Variants in ANXA7 observed in about 807,000 individuals in gnomAD.
ANXA7 encodes annexin A7, also known as annexin VII.
A neutral mutation model predicts 64.9 loss-of-function variants in ANXA7; 55 were observed. The ratio of observed to expected loss-of-function variants is 0.85; its 90% CI spans 0.68 to 1.06. The LOEUF (loss-of-function observed/expected upper bound fraction) is 1.06, where lower values mean the gene tolerates loss of function less well. Ranked by LOEUF, ANXA7 falls within the 50% of genes least tolerant of loss-of-function variation. The pLI, the probability that ANXA7 is intolerant of heterozygous loss-of-function variation, is 0.00. For synonymous variants in ANXA7, 200 were observed against 192.4 expected, an observed-to-expected ratio of 1.04 and a Z score of -0.33; for missense variants, 548 against 582.1, an observed-to-expected ratio of 0.94 and a Z score of 0.60.
intron 3 of ANXA7, 72 bp from the exon 4 acceptor site, chr10:73,397,346 C>T: frequency 1.2e-6 from 1 of 803,930 alleles, no homozygotes; most frequent in Non-Finnish European, 1.9e-6. Flanking sequence ...AGAAAAATAT[C>T]TATTGTTAAC....
At chr10:73,402,374 A>AT (rs1226565079) in intron 1 of ANXA7, among the ~76,000 whole-genome samples, 8 of 143,518 alleles carry the variant, frequency 5.6e-5, no homozygotes, top group East Asian at 2.1e-4. Context: ...GAATTTTTGT[A>AT]TTTTTTTTGT....
intron 7 of ANXA7, among the ~76,000 whole-genome samples, chr10:73,385,008 A>G (rs1347864961): frequency 6.6e-6 from 1 of 152,102 alleles, no homozygotes; most frequent in East Asian, 1.9e-4. Context: ...CAGGACTAAG[A>G]CTCAGAGATT....
intron 1 of ANXA7, among the ~76,000 whole-genome samples, chr10:73,413,007 G>A (rs1170827299): frequency 6.6e-6 from 1 of 152,078 alleles, no homozygotes; most frequent in African/African-American, 2.4e-5. Flanking sequence ...CAGGAAGGGT[G>A]ACTGAAGATA....
chr10:73,383,377 A>G, intron 8 of ANXA7, 32 bp from the exon 9 acceptor site: 3 of 1,567,172 alleles, frequency 1.9e-6, no homozygotes, highest in Non-Finnish European at 2.6e-6. Flanking sequence ...TTATACAAAG[A>G]AAAATGAAAT....
At chr10:73,399,144 A>G (rs751198228) in intron 2 of ANXA7, among the ~76,000 whole-genome samples, 8 of 152,192 alleles carry the variant, frequency 5.3e-5, no homozygotes, top group Admixed American at 3.3e-4. Context: ...CCAAAGTGCT[A>G]AAGGATGGTA....
In ANXA7 at chr10:73,397,183, T is replaced by C. The variant is rs2055589054; in HGVS notation, c.351A>G (p.Pro117=). Residue 117 remains proline, a synonymous_variant, in exon 4 of 13, where the codon CCA becomes CCG. Transcript: ENST00000372921. ...ACCTACCAGGTAGTGGAACCTGTGC[T>C]GGACCACCTCCATAAGACTGTGAAG... ...QPPSQSYGGG[P]AQVPLPGGFP... 1 of 1,608,344 alleles carries C rather than the reference T, an allele frequency of 6.2e-7. No homozygotes were observed. Among genetic ancestry groups the C allele is most frequent in the Non-Finnish European group, 8.5e-7 (1 of 1,176,810 alleles).
intron 5 of ANXA7, among the ~76,000 whole-genome samples, chr10:73,392,130 C>G (rs2055494932): frequency 6.6e-6 from 1 of 152,100 alleles, no homozygotes; most frequent in Admixed American, 6.5e-5. Flanking sequence ...GACACATACA[C>G]CCTCCCAAGA....
At chr10:73,398,832 A>T (rs1170011612) in intron 2 of ANXA7, among the ~76,000 whole-genome samples, 2 of 152,176 alleles carry the variant, frequency 1.3e-5, no homozygotes, top group African/African-American at 4.8e-5. Flanking sequence ...CCTGTATATC[A>T]CATCACACAC....
chr10:73,396,585 T>C lies in ANXA7; in HGVS notation c.371-2A>G. The stretch of plus-strand genomic sequence containing the variant: ...GCATCTGTCCTCCAGGAAAGCCACC[T>C]ATAATGTTAAAAAAAATAATAATAA... On this transcript the variant is annotated splice_acceptor_variant, in intron 4 of 12. Transcript: ENST00000372921. LOFTEE classifies it high-confidence loss of function. 6.3e-7 allele frequency: 1 copy of C among 1,598,152 alleles called. No homozygotes were observed. Among genetic ancestry groups the C allele is most frequent in the Non-Finnish European group, 8.6e-7 (1 of 1,169,048 alleles).
chr10:73,377,876 CCATGTTGCCCAGGCTACCACGCCCCGG>C, intron 12 of ANXA7, among the ~76,000 whole-genome samples: 1 of 146,570 alleles, frequency 6.8e-6, no homozygotes, highest in South Asian at 2.2e-4. Flanking sequence ...ATAGGTTTCA[CCATGTTGCCCAGGCTACCACGCCCCGG>C]CGTGTGTGTG....
chr10:73,413,778 C>G (rs764166372), intron 1 of ANXA7, among the ~76,000 whole-genome samples: 17 of 152,140 alleles, frequency 1.1e-4, no homozygotes, highest in Non-Finnish European at 2.1e-4. Context: ...GATTTCCAAA[C>G]GGACGGAAGG....
chr10:73,389,471 T>A (rs1345062983), intron 5 of ANXA7, among the ~76,000 whole-genome samples: 1 of 152,204 alleles, frequency 6.6e-6, no homozygotes, highest in Non-Finnish European at 1.5e-5. Flanking sequence ...ATTTTGATCA[T>A]TGCATTGTGT....
At chr10:73,400,774 G>A (rs762975093) in intron 2 of ANXA7, 29 bp downstream of exon 2, 1 of 1,574,190 alleles carries the variant, frequency 6.4e-7, no homozygotes, top group South Asian at 1.1e-5. Context: ...CTGTTTTAAG[G>A]ATGTGAGGTA....
intron 5 of ANXA7, among the ~76,000 whole-genome samples, chr10:73,391,210 C>T (rs945844620): frequency 6.6e-6 from 1 of 150,710 alleles, no homozygotes; most frequent in Admixed American, 6.6e-5. Flanking sequence ...GATCTGTGTT[C>T]TTGAGGTTAA....
At chr10:73,408,635 TA>T (rs985679197) in intron 1 of ANXA7, among the ~76,000 whole-genome samples, 1 of 152,130 alleles carries the variant, frequency 6.6e-6, no homozygotes, top group African/African-American at 2.4e-5. Flanking sequence ...TAATAAAAAT[TA>T]AAGCTATTTT....
Position 73,380,081 on chromosome 10 carries a change from C to T in ANXA7, c.1039G>A (p.Ala347Thr). 1 of 1,614,146 alleles carries T rather than the reference C, an allele frequency of 6.2e-7. No individual in the cohort carries two copies. Among genetic ancestry groups the T allele is most frequent in the Non-Finnish European group, 8.5e-7 (1 of 1,180,036 alleles). The change falls in exon 10 of 13, where the codon GCC becomes ACC. Residue 347 changes from alanine to threonine, a missense_variant. By Grantham distance (58) the Ala-to-Thr change is moderately conservative. Transcript: ENST00000372921. ...CTCAGCTGAGGAAAGCTTCTTGTGG[C>T]AAGGATCATGTTAAAGCAAGATTCA... ...TDESCFNMIL[A>T]TRSFPQLRAT...
At chr10:73,400,015 C>A (rs1015833300) in intron 2 of ANXA7, among the ~76,000 whole-genome samples, 16 of 150,888 alleles carry the variant, frequency 1.1e-4, no homozygotes, top group Non-Finnish European at 1.8e-4. Flanking sequence ...CAGTGGCGGG[C>A]ACCTGAAATC....
chr10:73,379,555 C>T (rs2055240281), intron 11 of ANXA7, among the ~76,000 whole-genome samples: 1 of 152,166 alleles, frequency 6.6e-6, no homozygotes, highest in African/African-American at 2.4e-5. Context: ...TTCCCTTTCT[C>T]TTTAAAGGAA....
At chr10:73,399,980 A>G (rs2055635193) in intron 2 of ANXA7, among the ~76,000 whole-genome samples, 1 of 152,026 alleles carries the variant, frequency 6.6e-6, no homozygotes, top group African/African-American at 2.4e-5. Context: ...CGTCTCTACT[A>G]AAAATACAAA....
Sources: gnomAD v4.1 joint callset for allele counts (sites outside exome capture counted in the v4.1 genomes callset) on GRCh38, gnomAD v4.1.1 for gene constraint, MANE v1.5 for transcripts, NCBI Gene and HGNC (gene_info 2026-07-23, HGNC 2026-07-21) for gene names.